The following MAPK14 variants were observed in gnomAD, a reference collection of about 807,000 sequenced individuals.
The protein encoded by MAPK14 is mitogen-activated protein kinase 14, also known as CSAID-binding protein.
A neutral mutation model predicts 49.6 loss-of-function variants in MAPK14; 16 were observed. The observed-to-expected ratio is 0.32, with a 90% CI of 0.22 to 0.49. The LOEUF is 0.49. Ranked by LOEUF, MAPK14 falls within the 20% of genes least tolerant of loss-of-function variation. The pLI, the probability that MAPK14 is intolerant of heterozygous loss-of-function variation, is 0.99. For synonymous variants in MAPK14, 142 were observed against 158.0 expected, an observed-to-expected ratio of 0.90 and a Z score of 0.76; for missense variants, 200 against 441.2, an observed-to-expected ratio of 0.45 and a Z score of 4.90.
At chr6:36,115,821 A>G (rs1397230349), downstream of MAPK14, among the ~76,000 whole-genome samples, 1 of 151,556 alleles carries the variant, frequency 6.6e-6, no homozygotes, top group African/African-American at 2.4e-5. Flanking sequence ...CCAGCTACTC[A>G]GGAGGCTGAG....
At chr6:36,077,056 T>C (rs1764559439) in intron 8 of MAPK14, among the ~76,000 whole-genome samples, 2 of 152,216 alleles carry the variant, frequency 1.3e-5, no homozygotes, top group Non-Finnish European at 1.5e-5. Context: ...ATATACTGCT[T>C]ACTTGTTATG....
chr6:36,037,076 A>G (rs1026958855), intron 1 of MAPK14, among the ~76,000 whole-genome samples: 2 of 152,154 alleles, frequency 1.3e-5, no homozygotes, highest in African/African-American at 4.8e-5. Context: ...ATGTGCATAT[A>G]TATATTTTTT....
chr6:36,084,933 C>CT (rs138782604), intron 8 of MAPK14, among the ~76,000 whole-genome samples: 21,143 of 152,094 alleles, frequency 0.14, 1,792 homozygotes, highest in African/African-American at 0.24. Flanking sequence ...GAGAGAAAGG[C>CT]TAGGTCACCT....
At position 36,106,865 on chromosome 6, in the gene MAPK14, C is replaced by T. The variant is rs902578059; in HGVS notation, c.842-590C>T. Among the ~76,000 whole-genome samples, 4 of 151,904 alleles carry T rather than the reference C, an allele frequency of 2.6e-5. No homozygotes were observed. In the South Asian group the frequency reaches 8.3e-4, roughly 32 times the overall value. On this transcript the variant is annotated intron_variant, in intron 10 of 11. Transcript: ENST00000229794. Reference sequence around the variant, plus strand: ...CCCAGTTTATTCACTGTTTGAAGATCTGTTGATGAATATTTGATGTTAGTA... The same window carrying T: ...CCCAGTTTATTCACTGTTTGAAGATTTGTTGATGAATATTTGATGTTAGTA...
Position 36,073,724 on chromosome 6 carries a change from T to C in MAPK14, c.447+4T>C. 6.2e-7 allele frequency: 1 copy of C among 1,612,286 alleles called. No individual in the cohort carries two copies. Among genetic ancestry groups the C allele is most frequent in the Admixed American group, 1.7e-5 (1 of 59,616 alleles). On this transcript the variant is annotated splice_donor_region_variant and intron_variant, in intron 5 of 11. Coordinates refer to ENST00000229794, the MANE Select transcript of MAPK14 (RefSeq NM_139012.3). The stretch of plus-strand genomic sequence containing the variant: ...TTCAGCTGACATAATTCACAGGGTA[T>C]GTATTGTGACTTTGATTACATTATT...
rs201640496 is a variant in MAPK14, at chr6:36,108,760, A to G, written c.*313A>G. 1.2e-4 allele frequency: 42 copies of G among 357,228 alleles called. No homozygotes were observed. The highest frequency in any genetic ancestry group is 2.1e-4 in the Non-Finnish European group (39 of 189,042). The allele number at this position is 357,228 out of a possible 1,614,324, so 22.1% of individuals were successfully genotyped here. A position where few individuals can be genotyped will look rare whatever the true frequency, so the allele number is the denominator to read the frequency against. ...GACAAGAGCTGCTGTCCTTTTAGGAATATGTTCAATGCAAAGTAAAAAAAT... is the reference window on the plus strand; with the variant it reads ...GACAAGAGCTGCTGTCCTTTTAGGAGTATGTTCAATGCAAAGTAAAAAAAT... On this transcript the variant is annotated 3_prime_UTR_variant, in exon 12 of 12. Transcript: ENST00000229794.
At chr6:36,081,457 G>A (rs1185035245) in intron 8 of MAPK14, among the ~76,000 whole-genome samples, 2 of 152,064 alleles carry the variant, frequency 1.3e-5, no homozygotes, top group Non-Finnish European at 2.9e-5. Context: ...TTCCCCCATC[G>A]AATCAACATG....
chr6:36,102,641 A>C lies in MAPK14; in HGVS notation c.833A>C (p.Asn278Thr), dbSNP rs765160248. 6.2e-7 allele frequency: 1 copy of C among 1,613,914 alleles called. No individual in the cohort carries two copies. ...MNFANVFIGA[N>T]PLAVDLLEKM... ...TTTGCGAATGTATTTATTGGTGCCA[A>C]TCCCCTGGGTAAGTTGACCATATAT... Residue 278 changes from asparagine (N) to threonine (T), a missense_variant, in exon 10 of 12, where the codon AAT becomes ACT. Physicochemically the swap from Asn to Thr is moderately conservative, Grantham distance 65. This residue lies in a region of MAPK14 where 170 missense variants were observed against 407.0 expected (regional missense o/e 0.42). Coordinates refer to ENST00000229794, the MANE Select transcript of MAPK14 (RefSeq NM_139012.3).
At chr6:36,117,213 C>T in the MAPK14 span, among the ~76,000 whole-genome samples, 1 of 152,172 alleles carries the variant, frequency 6.6e-6, no homozygotes, top group Non-Finnish European at 1.5e-5. Context: ...CTCCAGGCCT[C>T]TGAAGAGAAA....
At chr6:36,078,812 A>G (rs1322209724) in intron 8 of MAPK14, among the ~76,000 whole-genome samples, 1 of 152,210 alleles carries the variant, frequency 6.6e-6, no homozygotes, top group African/African-American at 2.4e-5. Context: ...ATCTGTGTAG[A>G]TACAGCTTTG....
At chr6:36,041,107 A>G (rs1420561095) in intron 1 of MAPK14, among the ~76,000 whole-genome samples, 1 of 152,190 alleles carries the variant, frequency 6.6e-6, no homozygotes, top group African/African-American at 2.4e-5. Flanking sequence ...GTACCTTAGA[A>G]GATACAATGC....
chr6:36,043,856 G>C (rs1284115063), intron 1 of MAPK14, among the ~76,000 whole-genome samples: 1 of 138,556 alleles, frequency 7.2e-6, no homozygotes, highest in Non-Finnish European at 1.5e-5. Flanking sequence ...TGTTGCCCAG[G>C]CTGGAGTGCA....
intron 1 of MAPK14, among the ~76,000 whole-genome samples, chr6:36,033,965 G>C (rs969441248): frequency 2.0e-5 from 3 of 152,142 alleles, no homozygotes; most frequent in Non-Finnish European, 4.4e-5. Flanking sequence ...TTTTATAGAT[G>C]GGGAGCTGGA....
chr6:36,100,240 T>C (rs201901525), intron 9 of MAPK14: 161 of 1,613,786 alleles, frequency 1.0e-4, no homozygotes, highest in Middle Eastern at 3.3e-4. Context: ...CCCCCGCTTA[T>C]CTCATTAACA....
chr6:36,094,168 CA>C (rs1356613376), intron 8 of MAPK14, among the ~76,000 whole-genome samples: 2 of 152,184 alleles, frequency 1.3e-5, no homozygotes, highest in African/African-American at 4.8e-5. Flanking sequence ...CTTTATAACA[CA>C]ATGATTTTTG....
intron 1 of MAPK14, among the ~76,000 whole-genome samples, chr6:36,034,961 C>T (rs942288695): frequency 1.4e-5 from 2 of 143,670 alleles, no homozygotes; most frequent in East Asian, 2.0e-4. Flanking sequence ...TGCCATGGTG[C>T]GATCTCGGCT....
At chr6:36,116,881 CTCTT>C in the MAPK14 span, among the ~76,000 whole-genome samples, 2 of 152,204 alleles carry the variant, frequency 1.3e-5, no homozygotes, top group African/African-American at 4.8e-5. Context: ...CAAGTAATGT[CTCTT>C]TCTCAGTCAC....
At chr6:36,103,841 T>C (rs1483958512) in intron 10 of MAPK14, among the ~76,000 whole-genome samples, 1 of 152,214 alleles carries the variant, frequency 6.6e-6, no homozygotes, top group Non-Finnish European at 1.5e-5. Context: ...TTCTCACTTT[T>C]CTTAAGATTG....
At chr6:36,051,782 A>G (rs565351696) in intron 1 of MAPK14, among the ~76,000 whole-genome samples, 47 of 152,322 alleles carry the variant, frequency 3.1e-4, no homozygotes, top group African/African-American at 1.0e-3. Context: ...TACTTATTTC[A>G]TAGGGGATTC....
Sources: gnomAD v4.1 joint callset for allele counts (sites outside exome capture counted in the v4.1 genomes callset) on GRCh38, gnomAD v4.1.1 for gene constraint, gnomAD v4.1.1 regional missense constraint, MANE v1.5 for transcripts, NCBI Gene and HGNC (gene_info 2026-07-23, HGNC 2026-07-21) for gene names.